The following SMARCA5 variants were observed in gnomAD, a reference collection of about 807,000 sequenced individuals.
The protein encoded by SMARCA5 is SNF2 related chromatin remodeling ATPase 5, also known as SWI/SNF-related matrix-associated actin-dependent regulator of chromatin subfamily A member 5.
Under a neutral mutation model 140.4 loss-of-function variants are expected in SMARCA5, and 18 were observed. That is an observed-to-expected ratio of 0.13 (90% CI 0.09 to 0.19). The LOEUF is 0.19. SMARCA5 is among the 10% of genes least tolerant of loss of function. SMARCA5 has a pLI of 1.00. For missense variants in SMARCA5, 606 were observed against 1,276.8 expected (o/e 0.47, Z 8.01); for synonymous variants, 449 against 419.6 (o/e 1.07, Z -0.86).
intron 14 of SMARCA5, among the ~76,000 whole-genome samples, chr4:143,542,016 C>T (rs1261612534): frequency 3.9e-5 from 6 of 152,022 alleles, no homozygotes; most frequent in Non-Finnish European, 1.5e-5. Flanking sequence ...CGCCACCACA[C>T]CTGGCTAATT....
At chr4:143,536,249 A>T (rs1390070558) in intron 10 of SMARCA5, among the ~76,000 whole-genome samples, 1 of 152,188 alleles carries the variant, frequency 6.6e-6, no homozygotes, top group Non-Finnish European at 1.5e-5. Context: ...GTAAGTATGA[A>T]CATTATAATG....
intron 8 of SMARCA5, among the ~76,000 whole-genome samples, chr4:143,529,193 C>T (rs1737132960): frequency 6.6e-6 from 1 of 152,148 alleles, no homozygotes; most frequent in Non-Finnish European, 1.5e-5. Context: ...CCTCAGCCTC[C>T]CAAAGTGCTG....
Position 143,527,863 on chromosome 4 carries a change from C to A in SMARCA5, c.802-5C>A. 1 of 1,586,866 alleles carries A rather than the reference C, an allele frequency of 6.3e-7. No homozygotes were observed. Among genetic ancestry groups the A allele is most frequent in the South Asian group, 1.2e-5 (1 of 85,198 alleles). ...GTGATGTAATTTTTTTCTCTTGTTACACAGGCTGCTTTTGTCAGAGACGTT... is the reference window on the plus strand; with the variant it reads ...GTGATGTAATTTTTTTCTCTTGTTAAACAGGCTGCTTTTGTCAGAGACGTT... On this transcript the variant is annotated splice_polypyrimidine_tract_variant and splice_region_variant and intron_variant, in intron 6 of 23. Transcript: ENST00000283131.
chr4:143,526,514 G>A, intron 6 of SMARCA5, 54 bp downstream of exon 6: 1 of 1,205,856 alleles, frequency 8.3e-7, no homozygotes, highest in Non-Finnish European at 1.2e-6. Context: ...TTGAATTCAG[G>A]CTTGGGTATG....
intron 16 of SMARCA5, 176 bp downstream of exon 16, chr4:143,544,148 G>T (rs1737479973): frequency 2.5e-6 from 1 of 397,958 alleles, no homozygotes; most frequent in African/African-American, 2.1e-5. Context: ...CAGTTGGTAA[G>T]CTCTGAAATA....
intron 10 of SMARCA5, 59 bp downstream of exon 10, chr4:143,535,023 A>T: frequency 8.3e-7 from 1 of 1,210,338 alleles, no homozygotes; most frequent in Non-Finnish European, 1.2e-6. Context: ...TTTCATGTGT[A>T]TTTTGTTTTC....
intron 11 of SMARCA5, 64 bp from the exon 12 acceptor site, chr4:143,538,526 T>C (rs1340193789): frequency 7.9e-6 from 11 of 1,385,636 alleles, no homozygotes; most frequent in Non-Finnish European, 1.0e-5. Flanking sequence ...GTCTTAGTTT[T>C]GGTTACCCTT....
Position 143,545,467 on chromosome 4 carries a change from T to C in SMARCA5, c.2284-3T>C, listed in dbSNP as rs752010598. ...GATAACACTTATTTTTGTTTTTCTT[T>C]AGGCTCCTCGACCTCCAAAACAACC... On this transcript the variant is annotated splice_polypyrimidine_tract_variant and splice_region_variant and intron_variant, in intron 17 of 23. Transcript: ENST00000283131. 21 of 1,594,424 alleles carry C rather than the reference T, an allele frequency of 1.3e-5. No homozygotes were observed. Among genetic ancestry groups the C allele is most frequent in the Non-Finnish European group, 1.8e-5 (21 of 1,163,660 alleles).
chr4:143,545,067 C>T (rs371948418), intron 17 of SMARCA5, among the ~76,000 whole-genome samples: 6 of 151,590 alleles, frequency 4.0e-5, no homozygotes, highest in East Asian at 1.9e-4. Flanking sequence ...CTCACCCTTC[C>T]GAGTAGCTGG....
rs1459491364 is a variant in SMARCA5 at position 143,523,940 on chromosome 4, C to T, written c.420-427C>T. 5.9e-5 allele frequency among the ~76,000 whole-genome samples: 9 copies of T among 152,076 alleles called. No homozygotes were observed. In the South Asian group the frequency reaches 8.3e-4, roughly 14 times the overall value. ...TATTTAAAAATTTTTTTGATGAATC[C>T]GTGGTCACTGCTTAAATTTCTGAGT... On this transcript the variant is annotated intron_variant, in intron 3 of 23. Transcript: ENST00000283131.
At chr4:143,524,829 G>A (rs1737034280) in intron 4 of SMARCA5, among the ~76,000 whole-genome samples, 2 of 152,056 alleles carry the variant, frequency 1.3e-5, no homozygotes, top group Non-Finnish European at 2.9e-5. Flanking sequence ...AATTTTTTGT[G>A]AAATGTATTT....
rs1325543152 is a variant in SMARCA5, at chr4:143,530,444, G to T, written c.1090-14G>T. Reference sequence around the variant, plus strand: ...TATCTCTGATCTGAGTATATTTTTTGTTTGTTTATCTAGGACTTTGATTCC... The same window carrying T: ...TATCTCTGATCTGAGTATATTTTTTTTTTGTTTATCTAGGACTTTGATTCC... On this transcript the variant is annotated splice_polypyrimidine_tract_variant and intron_variant, in intron 8 of 23. Coordinates refer to ENST00000283131, the MANE Select transcript of SMARCA5 (RefSeq NM_003601.4). 1.3e-6 allele frequency: 2 copies of T among 1,592,056 alleles called. No homozygotes were observed. Among genetic ancestry groups the T allele is most frequent in the South Asian group, 1.1e-5 (1 of 89,296 alleles).
intron 13 of SMARCA5, 138 bp downstream of exon 13, chr4:143,539,076 A>G (rs1243815588): frequency 2.6e-6 from 2 of 762,448 alleles, no homozygotes; most frequent in African/African-American, 3.5e-5. Flanking sequence ...GAGTATATTG[A>G]GGTGATCTTC....
At chr4:143,533,106 C>G (rs1019078784) in intron 9 of SMARCA5, among the ~76,000 whole-genome samples, 12 of 152,102 alleles carry the variant, frequency 7.9e-5, no homozygotes, top group African/African-American at 2.9e-4. Context: ...ACTTACTGTT[C>G]TATGAAAATG....
chr4:143,528,234 C>T (rs1005010890), intron 7 of SMARCA5, among the ~76,000 whole-genome samples: 1 of 152,182 alleles, frequency 6.6e-6, no homozygotes, highest in African/African-American at 2.4e-5. Flanking sequence ...TGCTCTCCCT[C>T]TGCTTTCTCC....
chr4:143,547,277 T>C, intron 20 of SMARCA5, 108 bp from the exon 21 acceptor site: 1 of 645,762 alleles, frequency 1.5e-6, no homozygotes, highest in Non-Finnish European at 2.7e-6. Flanking sequence ...CTGCTTAGAA[T>C]AGCAGAAATT....
intron 13 of SMARCA5, among the ~76,000 whole-genome samples, chr4:143,539,507 C>T (rs1232589311): frequency 1.3e-5 from 2 of 151,410 alleles, no homozygotes; most frequent in Admixed American, 1.3e-4. Context: ...GACCACAAAC[C>T]CAACTTTAAT....
chr4:143,547,878 A>G (rs1216699603), intron 21 of SMARCA5, 50 bp from the exon 22 acceptor site: 3 of 1,112,672 alleles, frequency 2.7e-6, no homozygotes, highest in Non-Finnish European at 3.8e-6. Context: ...TTTGAAATAC[A>G]GATTATATAG....
intron 11 of SMARCA5, among the ~76,000 whole-genome samples, chr4:143,537,584 G>A (rs1215592031): frequency 6.6e-6 from 1 of 152,062 alleles, no homozygotes; most frequent in African/African-American, 2.4e-5. Context: ...CAGGAACGTG[G>A]TGGGAATACT....
Sources: allele counts gnomAD v4.1 joint callset (sites outside exome capture counted in the v4.1 genomes callset), GRCh38; gene constraint gnomAD v4.1.1; transcripts MANE v1.5; gene names NCBI Gene and HGNC (gene_info 2026-07-23, HGNC 2026-07-21).